KCND2: variants seen among roughly 807,000 people sequenced by gnomAD.
KCND2 encodes the protein potassium voltage-gated channel subfamily D member 2.
Under a neutral mutation model 54.4 loss-of-function variants are expected in KCND2, and 16 were observed. The observed-to-expected ratio is 0.29, with a 90% CI of 0.20 to 0.45. The LOEUF (loss-of-function observed/expected upper bound fraction) is 0.45. Ranked by LOEUF, KCND2 falls within the 20% of genes least tolerant of loss-of-function variation. The pLI is 1.00. For synonymous variants in KCND2, 317 were observed against 310.7 expected (o/e 1.02, Z -0.21); for missense variants, 486 against 824.2 (o/e 0.59, Z 5.02).
chr7:120,530,448 A>G (rs1791829727), intron 1 of KCND2, among the ~76,000 whole-genome samples: 2 of 152,262 alleles, frequency 1.3e-5, no homozygotes, highest in East Asian at 3.9e-4. Flanking sequence ...TCTCATTATT[A>G]CCCACCATCC....
chr7:120,533,952 T>A (rs186713553), intron 1 of KCND2, among the ~76,000 whole-genome samples: 3 of 152,186 alleles, frequency 2.0e-5, no homozygotes, highest in Admixed American at 6.6e-5. Context: ...AACCCCCAGA[T>A]GTGTTTGATG....
intron 1 of KCND2, among the ~76,000 whole-genome samples, chr7:120,303,085 T>C (rs541812995): frequency 1.1e-4 from 16 of 152,310 alleles, no homozygotes; most frequent in African/African-American, 3.8e-4. Flanking sequence ...AATTTTACTT[T>C]GTTTGGCAGA....
At chr7:120,296,241 C>A (rs1329504710) in intron 1 of KCND2, among the ~76,000 whole-genome samples, 1 of 151,972 alleles carries the variant, frequency 6.6e-6, no homozygotes, top group Non-Finnish European at 1.5e-5. Flanking sequence ...GACATTTCTT[C>A]CAACTTTGGA....
chr7:120,282,923 TTAAAAC>T (rs1459706897), intron 1 of KCND2, among the ~76,000 whole-genome samples: 1 of 152,100 alleles, frequency 6.6e-6, no homozygotes, highest in Non-Finnish European at 1.5e-5. Flanking sequence ...TAGGAACTAT[TTAAAAC>T]TAAAATAGTG....
At chr7:120,641,343 C>G (rs1319404761) in intron 1 of KCND2, among the ~76,000 whole-genome samples, 1 of 152,066 alleles carries the variant, frequency 6.6e-6, no homozygotes, top group Non-Finnish European at 1.5e-5. Context: ...TTTAAAAGGC[C>G]CTGTACCCCT....
At chr7:120,330,106 G>C (rs1024976939) in intron 1 of KCND2, among the ~76,000 whole-genome samples, 4 of 152,006 alleles carry the variant, frequency 2.6e-5, no homozygotes, top group African/African-American at 9.7e-5. Context: ...GACACTACCT[G>C]GGTTGAAAAC....
At chr7:120,339,940 G>A (rs1274759768) in intron 1 of KCND2, among the ~76,000 whole-genome samples, 6 of 152,092 alleles carry the variant, frequency 3.9e-5, no homozygotes, top group Admixed American at 6.5e-5. Flanking sequence ...GTGTATATCT[G>A]GTATGTTCAC....
intron 1 of KCND2, among the ~76,000 whole-genome samples, chr7:120,393,656 G>C (rs925343710): frequency 6.6e-6 from 1 of 151,922 alleles, no homozygotes; most frequent in Admixed American, 6.6e-5. Flanking sequence ...AGAGATTTCA[G>C]GCTGATCAGT....
At chr7:120,404,724 A>G (rs1029278953) in intron 1 of KCND2, among the ~76,000 whole-genome samples, 5 of 152,120 alleles carry the variant, frequency 3.3e-5, no homozygotes, top group Non-Finnish European at 7.4e-5. Flanking sequence ...TGTGTGATAG[A>G]GGATGAAAAT....
intron 1 of KCND2, among the ~76,000 whole-genome samples, chr7:120,643,654 A>T (rs1793403944): frequency 6.6e-6 from 1 of 151,976 alleles, no homozygotes. Context: ...ATAAATAAGG[A>T]TCATAACAAC....
At chr7:120,718,214 A>G (rs116106619) in intron 1 of KCND2, among the ~76,000 whole-genome samples, 28 of 152,230 alleles carry the variant, frequency 1.8e-4, no homozygotes, top group African/African-American at 6.3e-4. Context: ...TACAGTACCA[A>G]TGTTTTGTTG....
At chr7:120,401,050 C>G (rs1430351571) in intron 1 of KCND2, among the ~76,000 whole-genome samples, 1 of 151,878 alleles carries the variant, frequency 6.6e-6, no homozygotes, top group African/African-American at 2.4e-5. Context: ...GTGAGGTCAG[C>G]ATGAGTAGAA....
intron 1 of KCND2, among the ~76,000 whole-genome samples, chr7:120,728,607 C>T (rs1248974796): frequency 5.3e-5 from 8 of 152,010 alleles, no homozygotes; most frequent in African/African-American, 1.4e-4. Flanking sequence ...TATGTTTTTG[C>T]GAATTCATTC....
intron 1 of KCND2, among the ~76,000 whole-genome samples, chr7:120,516,238 C>A (rs149198064): frequency 1.3e-5 from 2 of 151,900 alleles, no homozygotes; most frequent in African/African-American, 2.4e-5. Flanking sequence ...TTCTTTTATT[C>A]GGCACTGCAA....
chr7:120,383,929 A>G (rs1266803512), intron 1 of KCND2, among the ~76,000 whole-genome samples: 1 of 152,080 alleles, frequency 6.6e-6, no homozygotes, highest in Non-Finnish European at 1.5e-5. Context: ...ATCTAATTAA[A>G]TTACATCTGG....
chr7:120,501,790 A>C (rs1306825653), intron 1 of KCND2, among the ~76,000 whole-genome samples: 1 of 152,040 alleles, frequency 6.6e-6, no homozygotes, highest in Non-Finnish European at 1.5e-5. Flanking sequence ...TATATTTCGC[A>C]CTGTATTCCC....
intron 1 of KCND2, among the ~76,000 whole-genome samples, chr7:120,563,099 C>G (rs1792255203): frequency 6.6e-6 from 1 of 152,082 alleles, no homozygotes; most frequent in Admixed American, 6.6e-5. Flanking sequence ...TCTTGTTTAT[C>G]ATAGTTAGAG....
intron 1 of KCND2, among the ~76,000 whole-genome samples, chr7:120,585,095 G>A (rs1296366340): frequency 3.9e-5 from 6 of 152,026 alleles, no homozygotes; most frequent in Non-Finnish European, 7.4e-5. Flanking sequence ...CACACACTTA[G>A]GTGTGCCTCT....
intron 1 of KCND2, among the ~76,000 whole-genome samples, chr7:120,533,162 C>G (rs928918868): frequency 1.6e-4 from 25 of 152,088 alleles, no homozygotes; most frequent in African/African-American, 5.8e-4. Context: ...ACCTTAAATT[C>G]AAGGACTTCA....
Sources: gnomAD v4.1 joint callset for allele counts (sites outside exome capture counted in the v4.1 genomes callset) on GRCh38, gnomAD v4.1.1 for gene constraint, MANE v1.5 for transcripts, NCBI Gene and HGNC (gene_info 2026-07-23, HGNC 2026-07-21) for gene names.